The following EPS8 variants were observed in gnomAD, a reference collection of about 807,000 sequenced individuals.
EPS8 encodes the protein EGFR pathway substrate 8, signaling adaptor, also known as epidermal growth factor receptor kinase substrate 8.
EPS8 carries 42 observed loss-of-function variants against 103.8 expected under a neutral mutation model. The ratio of observed to expected loss-of-function variants is 0.40; its 90% CI spans 0.32 to 0.52. The LOEUF (loss-of-function observed/expected upper bound fraction) is 0.52, where lower values mean the gene tolerates loss of function less well. Ranked by LOEUF, EPS8 falls within the 20% of genes least tolerant of loss-of-function variation. EPS8 has a pLI of 0.40. For synonymous variants in EPS8, 344 were observed against 344.6 expected (o/e 1.00, Z 0.02); for missense variants, 969 against 1,005.1 (o/e 0.96, Z 0.49).
At chr12:15,630,229 C>CAT (rs1482742028) in intron 18 of EPS8, among the ~76,000 whole-genome samples, 3 of 151,428 alleles carry the variant, frequency 2.0e-5, no homozygotes, top group Non-Finnish European at 4.4e-5. Flanking sequence ...CACACACATA[C>CAT]ACACACACAC....
intron 17 of EPS8, among the ~76,000 whole-genome samples, chr12:15,639,851 G>A (rs73311014): frequency 1.3e-5 from 2 of 152,112 alleles, no homozygotes; most frequent in East Asian, 1.9e-4. Flanking sequence ...ATTATTATGA[G>A]GTCAGATGTG....
At chr12:15,662,540 C>T (rs1280565854) in intron 8 of EPS8, 7 of 986,022 alleles carry the variant, frequency 7.1e-6, no homozygotes, top group South Asian at 4.7e-5. Flanking sequence ...ATAAAGCTTT[C>T]GGAGTTCTGA....
At chr12:15,670,237 CTGAT>C (rs1565491329) in intron 4 of EPS8, among the ~76,000 whole-genome samples, 1 of 152,100 alleles carries the variant, frequency 6.6e-6, no homozygotes, top group African/African-American at 2.4e-5. Flanking sequence ...ACTATGGACA[CTGAT>C]TGTAGCAACA....
At chr12:15,651,096 G>C (rs1460771789) in intron 13 of EPS8, 90 bp from the exon 14 acceptor site, 2 of 960,554 alleles carry the variant, frequency 2.1e-6, no homozygotes, top group Non-Finnish European at 3.2e-6. Context: ...ACATACACAC[G>C]CACACACACA....
intron 3 of EPS8, among the ~76,000 whole-genome samples, chr12:15,678,345 G>T (rs551389667): frequency 7.9e-5 from 12 of 152,088 alleles, no homozygotes; most frequent in Non-Finnish European, 1.3e-4. Flanking sequence ...AGACAGTGGT[G>T]GGTATTAGAA....
At chr12:15,672,306 A>T in intron 3 of EPS8, 1 of 389,502 alleles carries the variant, frequency 2.6e-6, no homozygotes, top group Non-Finnish European at 4.5e-6. Context: ...TATGAATTTC[A>T]TTTATATTTA....
rs759406337 is a variant in EPS8, at chr12:15,651,017, G to A, written c.1251-11C>T. 10 of 1,607,078 alleles carry A rather than the reference G, an allele frequency of 6.2e-6. No homozygotes were observed. The highest frequency in any genetic ancestry group is 1.7e-4 in the Middle Eastern group (1 of 6,010). On this transcript the variant is annotated splice_polypyrimidine_tract_variant and intron_variant, in intron 13 of 20. Transcript: ENST00000281172. ...TTTGGCCACTCTGCTCTGCAGGAGG[G>A]AATGAAGGCATATAAACAATAAAAT... is the stretch of plus-strand genomic sequence containing the variant.
chr12:15,623,305 A>G lies in EPS8; in HGVS notation c.2226-18T>C, dbSNP rs1288329483. The stretch of plus-strand genomic sequence containing the variant: ...TGACAGTCCTAAAAAAAAAAAAAGG[A>G]AAAAGAAACTGAGCATTAAAAATAT... On this transcript the variant is annotated intron_variant, in intron 19 of 20. Transcript: ENST00000281172. 2 of 1,566,520 alleles carry G rather than the reference A, an allele frequency of 1.3e-6. No homozygotes were observed. The highest frequency in any genetic ancestry group is 1.2e-5 in the South Asian group (1 of 84,262).
At chr12:15,758,106 C>G (rs1279651443) in intron 1 of EPS8, among the ~76,000 whole-genome samples, 1 of 152,112 alleles carries the variant, frequency 6.6e-6, no homozygotes, top group African/African-American at 2.4e-5. Context: ...AAGAGTGAGC[C>G]AGTCTTAAGT....
chr12:15,639,904 G>C (rs1358216095), intron 17 of EPS8, among the ~76,000 whole-genome samples: 1 of 152,106 alleles, frequency 6.6e-6, no homozygotes, highest in Non-Finnish European at 1.5e-5. Context: ...GTTCTTTCTG[G>C]GGGAATGAGA....
intron 1 of EPS8, among the ~76,000 whole-genome samples, chr12:15,755,111 A>C (rs928929120): frequency 2.0e-5 from 3 of 152,182 alleles, no homozygotes; most frequent in Admixed American, 2.0e-4. Context: ...TACATCTACC[A>C]AAGGTGAGTA....
At chr12:15,680,859 T>A (rs754244767) in intron 3 of EPS8, among the ~76,000 whole-genome samples, 4 of 152,018 alleles carry the variant, frequency 2.6e-5, no homozygotes, top group Non-Finnish European at 5.9e-5. Flanking sequence ...CCCCCAAAAT[T>A]CAAGAGCTAT....
intron 1 of EPS8, among the ~76,000 whole-genome samples, chr12:15,770,868 G>C (rs949060475): frequency 4.5e-4 from 69 of 152,246 alleles, no homozygotes; most frequent in African/African-American, 1.6e-3. Flanking sequence ...CATGATGAAA[G>C]ATGCAAGAAA....
At chr12:15,687,230 C>G (rs143159059) in intron 1 of EPS8, among the ~76,000 whole-genome samples, 1 of 152,036 alleles carries the variant, frequency 6.6e-6, no homozygotes, top group Non-Finnish European at 1.5e-5. Flanking sequence ...TTGGTAAAGA[C>G]GGCACCATGT....
At chr12:15,737,977 T>C (rs1428183917) in intron 1 of EPS8, among the ~76,000 whole-genome samples, 1 of 152,096 alleles carries the variant, frequency 6.6e-6, no homozygotes, top group African/African-American at 2.4e-5. Context: ...AGAGTAGCAT[T>C]TTTCCACTTT....
In EPS8 at chr12:15,665,832, G is replaced by A. The variant is rs1433475878; in HGVS notation, c.660C>T (p.Pro220=). 2.5e-6 allele frequency: 4 copies of A among 1,613,816 alleles called. No individual in the cohort carries two copies. The highest frequency in any genetic ancestry group is 3.4e-6 in the Non-Finnish European group (4 of 1,179,842). ...CATCCACCTGGGTGACGGTCCCAGG[G>A]GGCGCAGGGGCAGGAGCTCTGGGTG... is the stretch of plus-strand genomic sequence containing the variant. The part of the protein sequence containing the change: ...PPPPRAPAPA[P]PGTVTQVDVR... Residue 220 remains proline, a synonymous_variant, in exon 8 of 21, where the codon CCC becomes CCT. Transcript: ENST00000281172.
chr12:15,646,335 C>G (rs1945319135), intron 15 of EPS8, among the ~76,000 whole-genome samples: 3 of 152,142 alleles, frequency 2.0e-5, no homozygotes, highest in Non-Finnish European at 4.4e-5. Context: ...GGGCATATAA[C>G]TCTTGTGGTA....
chr12:15,735,172 A>T lies in EPS8; in HGVS notation c.-21-52200T>A, dbSNP rs1442573967. 6.6e-6 allele frequency among the ~76,000 whole-genome samples: 1 copy of T among 152,232 alleles called. No individual in the cohort carries two copies. Among genetic ancestry groups the T allele is most frequent in the Non-Finnish European group, 1.5e-5 (1 of 68,042 alleles). On this transcript the variant is annotated intron_variant, in intron 1 of 20. Transcript: ENST00000281172. This position sits in a 1 kb window ranked among gnomAD's most constrained non-coding sequence, Gnocchi z 4.4. The stretch of plus-strand genomic sequence containing the variant: ...ATTTTTCTACAAATGAACTCACCTC[A>T]GAAATGAAAATAAGCTCCAATTCTT...
At chr12:15,682,351 C>T (rs1946023005) in intron 2 of EPS8, among the ~76,000 whole-genome samples, 1 of 152,108 alleles carries the variant, frequency 6.6e-6, no homozygotes, top group Admixed American at 6.6e-5. Flanking sequence ...ACCACAATGG[C>T]CAATGTCAAA....
Sources: allele counts gnomAD v4.1 joint callset (sites outside exome capture counted in the v4.1 genomes callset), GRCh38; gene constraint gnomAD v4.1.1; non-coding constraint Gnocchi (gnomAD v3.1); transcripts MANE v1.5; gene names NCBI Gene and HGNC (gene_info 2026-07-23, HGNC 2026-07-21).